The following HEPHL1 variants were observed in gnomAD, a reference collection of about 807,000 sequenced individuals.
The protein encoded by HEPHL1 is hephaestin like 1.
A neutral mutation model predicts 122.0 loss-of-function variants in HEPHL1; 123 were observed. That is an observed-to-expected ratio of 1.01 (90% CI 0.87 to 1.17). The LOEUF is 1.17. Ranked by LOEUF, HEPHL1 falls within the 50% of genes most tolerant of loss-of-function variation. The pLI is 0.00. For missense variants in HEPHL1, 1,452 were observed against 1,430.5 expected, an observed-to-expected ratio of 1.01 and a Z score of -0.24; for synonymous variants, 527 against 508.9, an observed-to-expected ratio of 1.04 and a Z score of -0.48.
At chr11:94,053,841 C>CA (rs1195399647) in intron 2 of HEPHL1, among the ~76,000 whole-genome samples, 3 of 152,124 alleles carry the variant, frequency 2.0e-5, no homozygotes, top group Non-Finnish European at 4.4e-5. Flanking sequence ...TAATCCTTTT[C>CA]AATGTATTGA....
chr11:94,035,882 G>A (rs1262252030), intron 1 of HEPHL1, among the ~76,000 whole-genome samples: 14 of 152,092 alleles, frequency 9.2e-5, no homozygotes, highest in Non-Finnish European at 5.9e-5. Context: ...GACTACAGGC[G>A]CCCGTTACCA....
At chr11:94,058,585 T>G (rs952971747) in intron 2 of HEPHL1, among the ~76,000 whole-genome samples, 1 of 152,216 alleles carries the variant, frequency 6.6e-6, no homozygotes, top group Non-Finnish European at 1.5e-5. Flanking sequence ...TATTTTATGC[T>G]AATGCCTGAG....
intron 15 of HEPHL1, 48 bp downstream of exon 15, chr11:94,103,068 G>T: frequency 9.3e-7 from 1 of 1,074,730 alleles, no homozygotes. Context: ...TTGGATGAAA[G>T]TTGACTACTT....
At chr11:94,039,907 C>A in intron 1 of HEPHL1, among the ~76,000 whole-genome samples, 1 of 96,228 alleles carries the variant, frequency 1.0e-5, no homozygotes, top group South Asian at 3.8e-4. Context: ...CACAAAAAAC[C>A]CTTCAAAGAA....
At chr11:94,025,259 C>T (rs1469012656) in intron 1 of HEPHL1, among the ~76,000 whole-genome samples, 1 of 152,142 alleles carries the variant, frequency 6.6e-6, no homozygotes, top group East Asian at 1.9e-4. Flanking sequence ...GAAATACTTT[C>T]TCCAGATAAA....
rs370766256 is a variant in HEPHL1 at position 94,075,209 on chromosome 11, G to A, written c.1540G>A (p.Glu514Lys). ...ACCAGGGGCGCATGTTAAACCAGGT[G>A]AAACCTTCACATACAAGTGGACAGT... ...VKPGAHVKPG[E>K]TFTYKWTVPE... Residue 514 changes from glutamate to lysine, a missense_variant, in exon 9 of 20, where the codon GAA (glutamate) becomes AAA (lysine). Glu to Lys is a moderately conservative substitution (Grantham distance 56). Transcript: ENST00000315765. 7.6e-5 allele frequency: 123 copies of A among 1,613,188 alleles called. No individual in the cohort carries two copies. The highest frequency in any genetic ancestry group is 1.0e-4 in the Non-Finnish European group (119 of 1,179,574).
intron 2 of HEPHL1, among the ~76,000 whole-genome samples, chr11:94,046,999 A>G (rs1339353354): frequency 6.6e-6 from 1 of 152,160 alleles, no homozygotes; most frequent in Non-Finnish European, 1.5e-5. Context: ...CTTGTGAGGC[A>G]GCTGCTCCAG....
chr11:94,030,378 A>G (rs1409403845), intron 1 of HEPHL1, among the ~76,000 whole-genome samples: 2 of 152,282 alleles, frequency 1.3e-5, no homozygotes, highest in South Asian at 4.1e-4. Flanking sequence ...ATCCTGAAAA[A>G]CAGAAGTGGT....
intron 4 of HEPHL1, among the ~76,000 whole-genome samples, chr11:94,064,733 G>A (rs930951340): frequency 2.6e-5 from 4 of 152,142 alleles, no homozygotes; most frequent in African/African-American, 9.7e-5. Flanking sequence ...ATGCAGTGTG[G>A]ACAAAGCCAC....
chr11:94,109,135 T>C (rs544951216), intron 17 of HEPHL1, among the ~76,000 whole-genome samples: 1 of 152,300 alleles, frequency 6.6e-6, no homozygotes, highest in African/African-American at 2.4e-5. Context: ...GTGTAAATGA[T>C]AGTGTTTTTA....
chr11:94,029,874 A>G (rs1198538304), intron 1 of HEPHL1, among the ~76,000 whole-genome samples: 2 of 152,198 alleles, frequency 1.3e-5, no homozygotes, highest in East Asian at 3.9e-4. Flanking sequence ...CCTTTGCCAG[A>G]CAACTCATGG....
At chr11:94,087,991 A>G (rs1946231965) in intron 11 of HEPHL1, among the ~76,000 whole-genome samples, 1 of 152,228 alleles carries the variant, frequency 6.6e-6, no homozygotes, top group Admixed American at 6.5e-5. Context: ...AGATTTATTG[A>G]TCCAATATTT....
At chr11:94,037,244 A>G (rs2134408945) in intron 1 of HEPHL1, among the ~76,000 whole-genome samples, 1 of 151,986 alleles carries the variant, frequency 6.6e-6, no homozygotes, top group Admixed American at 6.6e-5. Context: ...GCTGATTGCT[A>G]GCACAGCAGT....
rs1945579942 is a variant in HEPHL1, at chr11:94,021,427, G to T, written c.59G>T (p.Gly20Val). 1 of 1,613,506 alleles carries T rather than the reference G, an allele frequency of 6.2e-7. No individual in the cohort carries two copies. Among genetic ancestry groups the T allele is most frequent in the African/African-American group, 1.3e-5 (1 of 74,910 alleles). Residue 20 changes from glycine (G) to valine (V), a missense_variant, in exon 1 of 20, where the codon GGG (glycine) becomes GTG (valine). Transcript: ENST00000315765. ...CTCCTCACATTCCTGGGTCTGTCTG[G>T]GCTGGTTGGCACAGTTACCAGAACG... ...IFLLTFLGLS[G>V]LVGTVTRTYY...
rs1456291779 is a variant in HEPHL1 at position 94,075,236 on chromosome 11, C to T, written c.1567C>T (p.Pro523Ser). 6.2e-7 allele frequency: 1 copy of T among 1,613,402 alleles called. No homozygotes were observed. Among genetic ancestry groups the T allele is most frequent in the Non-Finnish European group, 8.5e-7 (1 of 1,179,604 alleles). ...AACCTTCACATACAAGTGGACAGTGCCTGAGAGCGTAAGCCCAACTGCTGG... is the reference window on the plus strand; with the variant it reads ...AACCTTCACATACAAGTGGACAGTGTCTGAGAGCGTAAGCCCAACTGCTGG... ...GETFTYKWTV[P>S]ESVSPTAGDP... Residue 523 changes from proline (P) to serine (S), a missense_variant, in exon 9 of 20, where the codon CCT becomes TCT. By Grantham distance (74) the Pro-to-Ser change is moderately conservative (BLOSUM62 -1). Coordinates refer to ENST00000315765, the MANE Select transcript of HEPHL1 (RefSeq NM_001098672.2).
At chr11:94,061,834 T>A (rs376825626) in intron 2 of HEPHL1, among the ~76,000 whole-genome samples, 2 of 152,266 alleles carry the variant, frequency 1.3e-5, no homozygotes. Flanking sequence ...ATAATTTATA[T>A]ATAATAATTT....
intron 9 of HEPHL1, among the ~76,000 whole-genome samples, chr11:94,078,823 G>A (rs1946147067): frequency 6.6e-6 from 1 of 152,048 alleles, no homozygotes; most frequent in African/African-American, 2.4e-5. Context: ...GTTTTATTCA[G>A]TCTACTGATT....
chr11:94,101,434 A>T (rs927563476), intron 14 of HEPHL1, 99 bp downstream of exon 14: 3 of 1,205,612 alleles, frequency 2.5e-6, no homozygotes, highest in East Asian at 2.4e-5. Context: ...CTTAATGTCA[A>T]TGTGTTTCAG....
intron 9 of HEPHL1, among the ~76,000 whole-genome samples, chr11:94,076,452 G>A (rs2945637): frequency 6.6e-6 from 1 of 151,814 alleles, no homozygotes; most frequent in Non-Finnish European, 1.5e-5. Flanking sequence ...CCAAGGAGAT[G>A]TAGTGCCAGA....
Sources: gnomAD v4.1 joint callset for allele counts (sites outside exome capture counted in the v4.1 genomes callset) on GRCh38, gnomAD v4.1.1 for gene constraint, MANE v1.5 for transcripts, NCBI Gene and HGNC (gene_info 2026-07-23, HGNC 2026-07-21) for gene names.